MRPL23: variants seen among roughly 807,000 people sequenced by gnomAD.
The protein encoded by MRPL23 is large ribosomal subunit protein uL23m.
For missense variants in MRPL23, 25 were observed against 81.3 expected, an observed-to-expected ratio of 0.31 and a Z score of 2.66; for synonymous variants, 12 against 34.8, an observed-to-expected ratio of 0.35 and a Z score of 2.30.
chr11:1,971,439 G>C (rs1166243145), intron 4 of MRPL23, among the ~76,000 whole-genome samples: 1 of 108,972 alleles, frequency 9.2e-6, no homozygotes, highest in Non-Finnish European at 2.2e-5. Context: ...CCAGCGTCCT[G>C]CTCCACAGCT....
At chr11:1,994,082 G>T in the MRPL23 span, among the ~76,000 whole-genome samples, 1 of 92,986 alleles carries the variant, frequency 1.1e-5, no homozygotes, top group African/African-American at 2.8e-5. Context: ...CGGCTGGGCC[G>T]GTAGGGGAGG....
Sources: allele counts gnomAD v4.1 joint callset (sites outside exome capture counted in the v4.1 genomes callset), GRCh38; gene constraint gnomAD v4.1.1; transcripts MANE v1.5; gene names NCBI Gene and HGNC (gene_info 2026-07-23, HGNC 2026-07-21).